Variants in ZEB2 observed in about 807,000 individuals in gnomAD.
ZEB2 encodes the protein zinc finger E-box binding homeobox 2.
A neutral mutation model predicts 99.9 loss-of-function variants in ZEB2; 6 were observed. That is an observed-to-expected ratio of 0.06 (90% CI 0.03 to 0.12). The LOEUF (loss-of-function observed/expected upper bound fraction) is 0.12, where lower values mean the gene tolerates loss of function less well. ZEB2 is among the 10% of genes least tolerant of loss of function. ZEB2 has a pLI of 1.00. For missense variants in ZEB2, 969 were observed against 1,502.8 expected, an observed-to-expected ratio of 0.64 and a Z score of 5.87; for synonymous variants, 517 against 542.5, an observed-to-expected ratio of 0.95 and a Z score of 0.65.
intron 2 of ZEB2, among the ~76,000 whole-genome samples, chr2:144,467,411 A>G (rs181365005): frequency 3.3e-5 from 5 of 152,212 alleles, no homozygotes; most frequent in Non-Finnish European, 7.4e-5. Flanking sequence ...ATGATTCTTC[A>G]CCTTTTTGGA....
intron 4 of ZEB2, among the ~76,000 whole-genome samples, chr2:144,411,498 CAGA>C (rs1419348400): frequency 6.6e-6 from 1 of 152,170 alleles, no homozygotes; most frequent in East Asian, 1.9e-4. Flanking sequence ...TGCGTTTTTG[CAGA>C]AGGTTTCCAA....
chr2:144,435,194 T>G (rs540075475), intron 2 of ZEB2, among the ~76,000 whole-genome samples: 4 of 152,150 alleles, frequency 2.6e-5, no homozygotes, highest in Non-Finnish European at 5.9e-5. Context: ...TGCAAATGCT[T>G]CCTCAAGTAG....
chr2:144,433,197 T>A (rs908720421), intron 2 of ZEB2, among the ~76,000 whole-genome samples: 1 of 152,132 alleles, frequency 6.6e-6, no homozygotes, highest in African/African-American at 2.4e-5. Context: ...TAGACACTAA[T>A]TTTACATCTG....
chr2:144,509,202 G>A (rs756599420), intron 2 of ZEB2, among the ~76,000 whole-genome samples: 2 of 152,126 alleles, frequency 1.3e-5, no homozygotes, highest in Non-Finnish European at 2.9e-5. Context: ...GAGTGTTCCC[G>A]CATTGCTGGG....
intron 2 of ZEB2, 91 bp downstream of exon 2, chr2:144,517,187 C>T (rs1705167528): frequency 1.9e-6 from 3 of 1,566,198 alleles, no homozygotes; most frequent in African/African-American, 1.4e-5. Flanking sequence ...CCGCCGCCGC[C>T]GCCTCGGTTC....
In ZEB2 at chr2:144,398,893, T is replaced by A; in HGVS notation, c.2294A>T (p.His765Leu). ...DPPLRLTKPS[H>L]FTNIKPVEKL... ...TTCAACTGGTTTAATATTGGTAAAA[T>A]GGGAAGGTTTTGTTAGCCTGAGAGG... Residue 765 changes from histidine (H) to leucine (L), a missense_variant, in exon 8 of 10, where the codon CAT becomes CTT. His to Leu is a moderately conservative substitution (Grantham distance 99). Transcript: ENST00000627532. 1 of 1,614,114 alleles carries A rather than the reference T, an allele frequency of 6.2e-7. No individual in the cohort carries two copies. Among genetic ancestry groups the A allele is most frequent in the Non-Finnish European group, 8.5e-7 (1 of 1,180,018 alleles).
chr2:144,451,443 G>GT (rs775600488), intron 2 of ZEB2, among the ~76,000 whole-genome samples: 2 of 152,100 alleles, frequency 1.3e-5, no homozygotes, highest in East Asian at 1.9e-4. Flanking sequence ...TCTTAAATTG[G>GT]TAAGTTAAAG....
chr2:144,494,568 G>A (rs1704733813), intron 2 of ZEB2: 1 of 152,186 alleles, frequency 6.6e-6, no homozygotes, highest in South Asian at 2.1e-4. Flanking sequence ...GGTAGACAAC[G>A]TAGGAATATG....
chr2:144,510,718 T>TC (rs1705022052), intron 2 of ZEB2, among the ~76,000 whole-genome samples: 1 of 113,940 alleles, frequency 8.8e-6, no homozygotes, highest in African/African-American at 3.3e-5. Context: ...CTCTCTCTCT[T>TC]TCTCTCTCTC....
intron 1 of ZEB2, chr2:144,519,264 C>G (rs1173942579): frequency 1.3e-5 from 2 of 152,082 alleles, no homozygotes; most frequent in Non-Finnish European, 2.9e-5. Context: ...CTTTGGTAAA[C>G]GACTCAAGTT....
chr2:144,517,676 T>G, intron 1 of ZEB2: 1 of 697,382 alleles, frequency 1.4e-6, no homozygotes. Flanking sequence ...AAATGAGTCA[T>G]AACTCCTGAC....
At position 144,388,892 on chromosome 2, in the gene ZEB2, A is replaced by C. The variant is rs1703116773; in HGVS notation, c.*559T>G. On this transcript the variant is annotated 3_prime_UTR_variant, in exon 10 of 10. Coordinates refer to ENST00000627532, the MANE Select transcript of ZEB2 (RefSeq NM_014795.4). This position sits in a 1 kb window ranked among gnomAD's most constrained non-coding sequence, Gnocchi z 5.4. Reference sequence around the variant, plus strand: ...GCATCACTTCAAGTTCCTTCACAGAAAAAAAAAAAAATTGAGGCCTAAAAT... The same window carrying C: ...GCATCACTTCAAGTTCCTTCACAGACAAAAAAAAAAATTGAGGCCTAAAAT... 2 of 422,716 alleles carry C rather than the reference A, an allele frequency of 4.7e-6. No homozygotes were observed. The highest frequency in any genetic ancestry group is 4.2e-5 in the African/African-American group (2 of 47,974). 26.2% of individuals were successfully genotyped at this position (422,716 alleles called of 1,614,324 possible). A position where few individuals can be genotyped will look rare whatever the true frequency, so the allele number is the denominator to read the frequency against.
At chr2:144,512,147 GCAGA>G (rs1560657427) in intron 2 of ZEB2, 1 of 1,287,184 alleles carries the variant, frequency 7.8e-7, no homozygotes, top group South Asian at 1.2e-5. Flanking sequence ...ACACATTAGG[GCAGA>G]CAATCAATTG....
At chr2:144,491,310 A>C (rs906117504) in intron 2 of ZEB2, among the ~76,000 whole-genome samples, 1 of 152,044 alleles carries the variant, frequency 6.6e-6, no homozygotes, top group Non-Finnish European at 1.5e-5. Context: ...AACGTGAGCA[A>C]AAGTGAAAGA....
chr2:144,507,080 A>T (rs1387186989), intron 2 of ZEB2, among the ~76,000 whole-genome samples: 1 of 152,326 alleles, frequency 6.6e-6, no homozygotes, highest in East Asian at 1.9e-4. Context: ...TGATATATAA[A>T]GGTGGCCAAC....
At chr2:144,514,014 T>G in intron 2 of ZEB2, 1 of 851,604 alleles carries the variant, frequency 1.2e-6, no homozygotes, top group Non-Finnish European at 1.7e-6. Context: ...CCTGCACATC[T>G]TATTTTCTGG....
Position 144,398,288 on chromosome 2 carries a change from T to A in ZEB2, c.2886+13A>T. On this transcript the variant is annotated intron_variant, in intron 8 of 9. Transcript: ENST00000627532. The stretch of plus-strand genomic sequence containing the variant: ...CTCTTTTCTTCATAGCAGAAAAACA[T>A]TTGTCTCTTTACCTGAAATCCTTGT... 2.5e-6 allele frequency: 4 copies of A among 1,612,938 alleles called. No homozygotes were observed. Among genetic ancestry groups the A allele is most frequent in the Non-Finnish European group, 3.4e-6 (4 of 1,179,768 alleles).
At chr2:144,432,260 C>T (rs1489840355) in intron 2 of ZEB2, among the ~76,000 whole-genome samples, 1 of 152,150 alleles carries the variant, frequency 6.6e-6, no homozygotes, top group Non-Finnish European at 1.5e-5. Flanking sequence ...TACTTCACAA[C>T]CTTTAGGGTT....
intron 2 of ZEB2, among the ~76,000 whole-genome samples, chr2:144,477,103 C>T (rs536193403): frequency 1.1e-4 from 17 of 152,244 alleles, no homozygotes; most frequent in African/African-American, 3.1e-4. Flanking sequence ...TGAGGCCCTA[C>T]CCTATTTTAA....
Sources: gnomAD v4.1 joint callset for allele counts (sites outside exome capture counted in the v4.1 genomes callset) on GRCh38, gnomAD v4.1.1 for gene constraint, Gnocchi (gnomAD v3.1) non-coding constraint, MANE v1.5 for transcripts, NCBI Gene and HGNC (gene_info 2026-07-23, HGNC 2026-07-21) for gene names.